The following HEATR6 variants were observed in gnomAD, a reference collection of about 807,000 sequenced individuals.
HEATR6 encodes HEAT repeat-containing protein 6.
Under a neutral mutation model 132.8 loss-of-function variants are expected in HEATR6, and 106 were observed. The observed-to-expected ratio is 0.80, with a 90% confidence interval of 0.68 to 0.94. The LOEUF (loss-of-function observed/expected upper bound fraction) is 0.94. Ranked by LOEUF, HEATR6 falls within the 40% of genes least tolerant of loss-of-function variation. The probability of loss-of-function intolerance (pLI) is 0.00; values close to 1 mark genes in which losing one functional copy is unlikely to be tolerated. For synonymous variants in HEATR6, 529 were observed against 537.8 expected (o/e 0.98, Z 0.23); for missense variants, 1,339 against 1,425.1 (o/e 0.94, Z 0.97).
At position 60,046,174 on chromosome 17, in the gene HEATR6, G is replaced by C; in HGVS notation, c.2825C>G (p.Ser942Cys). The C allele has an allele frequency of 1.2e-6, 2 of 1,614,020 alleles. No individual in the cohort carries two copies. Among genetic ancestry groups the C allele is most frequent in the East Asian group, 2.2e-5 (1 of 44,882 alleles). Residue 942 changes from serine to cysteine, a missense_variant, in exon 19 of 20, where the codon TCT becomes TGT. Ser to Cys is a moderately radical substitution (Grantham distance 112). Transcript: ENST00000184956. ...TGCAAATGTGGGTTTTTCTATATGA[G>C]AGGGTTGCAGAAAATGAAGCAAATT... ...LGNLLHFLQP[S>C]HIEKPTFAEI...
chr17:60,046,036 G>A lies in HEATR6; in HGVS notation c.2963C>T (p.Ala988Val), dbSNP rs373358085. The change falls in exon 19 of 20, where the codon GCC becomes GTC. Residue 988 changes from alanine to valine, a missense_variant. Transcript: ENST00000184956. Reference sequence around the variant, plus strand: ...GGAAACTTTCTTACCTAAAGGAAGGGCAGGATTTTTAAATACATTTCCCAT... The same window carrying A: ...GGAAACTTTCTTACCTAAAGGAAGGACAGGATTTTTAAATACATTTCCCAT... ...YAMGNVFKNP[A>V]LPLGTAPWTS... is the part of the protein sequence containing the mutation. 7.4e-6 allele frequency: 12 copies of A among 1,613,190 alleles called. No individual in the cohort carries two copies. Among genetic ancestry groups the A allele is most frequent in the Non-Finnish European group, 1.0e-5 (12 of 1,179,400 alleles).
intron 19 of HEATR6, among the ~76,000 whole-genome samples, chr17:60,045,277 T>C (rs1489165102): frequency 6.6e-6 from 1 of 152,164 alleles, no homozygotes; most frequent in Admixed American, 6.5e-5. Context: ...CTCTGGGCAA[T>C]AAAGGGGAGC....
chr17:60,076,565 T>C (rs2083298235), intron 1 of HEATR6: 1 of 207,850 alleles, frequency 4.8e-6, no homozygotes, highest in Non-Finnish European at 9.8e-6. Flanking sequence ...AAAAATTAGC[T>C]GGATATGGTG....
In HEATR6 at chr17:60,044,076, G is replaced by A. The variant is rs1906281451; in HGVS notation, c.3033C>T (p.Cys1011=). The A allele has an allele frequency of 5.6e-6, 9 of 1,614,152 alleles. No individual in the cohort carries two copies. The highest frequency in any genetic ancestry group is 1.3e-5 in the African/African-American group (1 of 75,064). The part of the protein sequence containing the change: ...YNALTSVVTS[C]KNFKVRIRSA... ...ATCTGATGCGCACTTTGAAGTTCTT[G>A]CATGATGTCACGACCGATGTCAGGG... The change falls in exon 20 of 20, where the codon TGC becomes TGT. Residue 1011 remains cysteine, a synonymous_variant. Transcript: ENST00000184956.
At chr17:60,052,874 G>A (rs1392500440) in intron 14 of HEATR6, among the ~76,000 whole-genome samples, 1 of 152,042 alleles carries the variant, frequency 6.6e-6, no homozygotes, top group Non-Finnish European at 1.5e-5. Context: ...CACGGGTAAC[G>A]GAATTACCTC....
chr17:60,046,150 G>C lies in HEATR6; in HGVS notation c.2849C>G (p.Ala950Gly). ...CTGGATAGACTCCTCAATGATTTCT[G>C]CAAATGTGGGTTTTTCTATATGAGA... is the stretch of plus-strand genomic sequence containing the variant. ...QPSHIEKPTF[A>G]EIIEESIQAL... The change falls in exon 19 of 20, where the codon GCA (alanine) becomes GGA (glycine). Residue 950 changes from alanine (A) to glycine (G), a missense_variant. Coordinates refer to ENST00000184956, the MANE Select transcript of HEATR6 (RefSeq NM_022070.5). 1 of 1,613,874 alleles carries C rather than the reference G, an allele frequency of 6.2e-7. No individual in the cohort carries two copies. The highest frequency in any genetic ancestry group is 8.5e-7 in the Non-Finnish European group (1 of 1,179,772).
chr17:60,048,912 T>C (rs1419307724), intron 16 of HEATR6, among the ~76,000 whole-genome samples: 1 of 146,948 alleles, frequency 6.8e-6, no homozygotes, highest in Non-Finnish European at 1.5e-5. Context: ...ATTTAAGCAT[T>C]TATTGGGTGC....
chr17:60,050,275 A>T (rs1209824074), intron 15 of HEATR6, among the ~76,000 whole-genome samples: 1 of 152,120 alleles, frequency 6.6e-6, no homozygotes, highest in African/African-American at 2.4e-5. Context: ...CTCCCAAGGC[A>T]CCAAATCTGT....
At chr17:60,075,465 T>G (rs1386611627) in intron 2 of HEATR6, 1 of 152,210 alleles carries the variant, frequency 6.6e-6, no homozygotes, top group East Asian at 1.9e-4. Context: ...CTCTTAAATA[T>G]ATTCACATAC....
At chr17:60,072,356 A>C in intron 4 of HEATR6, 27 bp from the exon 5 acceptor site, 120 of 1,267,390 alleles carry the variant, frequency 9.5e-5, no homozygotes, top group Non-Finnish European at 1.3e-4. Flanking sequence ...AAAACAACTC[A>C]AACTCAGTCT....
intron 5 of HEATR6, among the ~76,000 whole-genome samples, chr17:60,071,108 TG>T (rs2083267974): frequency 6.6e-6 from 1 of 151,972 alleles, no homozygotes. Flanking sequence ...GCAAGAAAAA[TG>T]TGACAAGGGA....
chr17:60,059,378 T>A, intron 11 of HEATR6, 44 bp downstream of exon 11: 1 of 1,127,368 alleles, frequency 8.9e-7, no homozygotes, highest in Non-Finnish European at 1.3e-6. Context: ...ATAGTCTGCA[T>A]CTGACTGATA....
At chr17:60,075,191 T>C (rs2083290280) in intron 2 of HEATR6, among the ~76,000 whole-genome samples, 1 of 152,216 alleles carries the variant, frequency 6.6e-6, no homozygotes, top group African/African-American at 2.4e-5. Flanking sequence ...TAATCATTTC[T>C]TTGGCATGGG....
In HEATR6 at chr17:60,072,247, AT is replaced by A; in HGVS notation, c.666del (p.Lys222AsnfsTer18). Reference sequence around the variant, plus strand: ...AATGTGATATCATCCATATCAGATGATTTTGGAGACTGTAAAATAGTCAGAA... The same window carrying A: ...AATGTGATATCATCCATATCAGATGATTTGGAGACTGTAAAATAGTCAGAA... The part of the protein sequence containing the change: ...QAFLTILQSP[K>X]SSDMDDITFC... On this transcript the variant is annotated frameshift_variant, in exon 5 of 20. Coordinates refer to ENST00000184956, the MANE Select transcript of HEATR6 (RefSeq NM_022070.5). LOFTEE classifies it high-confidence loss of function. The A allele has an allele frequency of 6.2e-7, 1 of 1,606,114 alleles. No individual in the cohort carries two copies. The highest frequency in any genetic ancestry group is 8.5e-7 in the Non-Finnish European group (1 of 1,173,994).
intron 15 of HEATR6, among the ~76,000 whole-genome samples, chr17:60,049,907 C>G (rs1906522844): frequency 6.6e-6 from 1 of 152,226 alleles, no homozygotes; most frequent in Non-Finnish European, 1.5e-5. Context: ...ACACACACAG[C>G]ATCTCATCAC....
At chr17:60,048,121 G>T in intron 17 of HEATR6, 143 bp downstream of exon 17, 2 of 669,230 alleles carry the variant, frequency 3.0e-6, no homozygotes, top group Non-Finnish European at 2.3e-6. Flanking sequence ...ATTTTCTGAA[G>T]GAATATCAAA....
chr17:60,060,184 T>C, intron 9 of HEATR6, 88 bp from the exon 10 acceptor site: 1 of 891,346 alleles, frequency 1.1e-6, no homozygotes, highest in South Asian at 1.5e-5. Context: ...TTCAAAGTAT[T>C]TACAATCATT....
intron 9 of HEATR6, 63 bp from the exon 10 acceptor site, chr17:60,060,159 T>C (rs1906886335): frequency 1.9e-6 from 2 of 1,055,606 alleles, no homozygotes; most frequent in Admixed American, 1.8e-5. Flanking sequence ...CCCTTCTTCC[T>C]ATACATATTT....
chr17:60,050,723 T>G lies in HEATR6; in HGVS notation c.2424+120A>C, dbSNP rs111649979. On this transcript the variant is annotated intron_variant, in intron 15 of 19. Coordinates refer to ENST00000184956, the MANE Select transcript of HEATR6 (RefSeq NM_022070.5). ...CCAGTGCCCTCATCCCCAACTCAAG[T>G]AGAACTAGCGCCTTTTCATCAGAGA... 4.2e-3 allele frequency: 5,083 copies of G among 1,223,414 alleles called. 73 individuals are homozygous for G. In the African/African-American group the frequency reaches 0.046, roughly 11 times the overall value. 75.8% of individuals were successfully genotyped at this position (1,223,414 alleles called of 1,614,324 possible).
Sources: allele counts gnomAD v4.1 joint callset (sites outside exome capture counted in the v4.1 genomes callset), GRCh38; gene constraint gnomAD v4.1.1; transcripts MANE v1.5; gene names NCBI Gene and HGNC (gene_info 2026-07-23, HGNC 2026-07-21).